Variants in GPATCH2 observed in about 807,000 individuals in gnomAD.
GPATCH2 encodes G-patch domain containing 2, also known as G patch domain-containing protein 2.
Under a neutral mutation model 58.0 loss-of-function variants are expected in GPATCH2, and 51 were observed. The observed-to-expected ratio is 0.88, with a 90% CI of 0.70 to 1.11. GPATCH2 has a LOEUF of 1.11. GPATCH2 is among the 50% of genes most tolerant of loss of function. The pLI is 0.00. For synonymous variants in GPATCH2, 222 were observed against 218.5 expected, an observed-to-expected ratio of 1.02 and a Z score of -0.14; for missense variants, 625 against 652.2, an observed-to-expected ratio of 0.96 and a Z score of 0.45.
intron 8 of GPATCH2, among the ~76,000 whole-genome samples, chr1:217,479,585 A>G (rs1438382459): frequency 6.6e-6 from 1 of 152,012 alleles, no homozygotes; most frequent in Non-Finnish European, 1.5e-5. Context: ...AAAGGAAGAC[A>G]AGAAAGAAAG....
intron 5 of GPATCH2, among the ~76,000 whole-genome samples, chr1:217,530,021 A>G (rs1664111766): frequency 6.6e-6 from 1 of 152,230 alleles, no homozygotes. Flanking sequence ...TTTTCAATCT[A>G]CAGGTTACAA....
chr1:217,524,645 G>C (rs1027964962), intron 5 of GPATCH2, among the ~76,000 whole-genome samples: 2 of 151,608 alleles, frequency 1.3e-5, no homozygotes, highest in African/African-American at 4.8e-5. Flanking sequence ...GATCACTCGC[G>C]GTTAGGAGCT....
intron 5 of GPATCH2, among the ~76,000 whole-genome samples, chr1:217,594,548 CTATATT>C (rs1177322309): frequency 4.6e-5 from 7 of 151,936 alleles, no homozygotes; most frequent in African/African-American, 1.2e-4. Flanking sequence ...GAGTAATTAT[CTATATT>C]TAATCTATAT....
intron 8 of GPATCH2, among the ~76,000 whole-genome samples, chr1:217,486,029 A>G (rs556706364): frequency 2.0e-5 from 3 of 152,324 alleles, no homozygotes; most frequent in African/African-American, 4.8e-5. Flanking sequence ...TTGCATTTCC[A>G]TATGAAATTT....
intron 5 of GPATCH2, among the ~76,000 whole-genome samples, chr1:217,524,707 G>T (rs529284912): frequency 6.6e-6 from 1 of 151,084 alleles, no homozygotes; most frequent in Admixed American, 6.6e-5. Flanking sequence ...CAAAAAATAC[G>T]AAAACCAGTC....
intron 8 of GPATCH2, among the ~76,000 whole-genome samples, chr1:217,486,945 A>C (rs1479800293): frequency 1.3e-5 from 2 of 152,212 alleles, no homozygotes; most frequent in Non-Finnish European, 2.9e-5. Flanking sequence ...CAGCACTGTG[A>C]ACTACTGAGT....
intron 8 of GPATCH2, among the ~76,000 whole-genome samples, chr1:217,468,944 T>C (rs1449721956): frequency 6.6e-6 from 1 of 152,188 alleles, no homozygotes; most frequent in African/African-American, 2.4e-5. Flanking sequence ...GCTTTCATCA[T>C]CCTGACAATG....
intron 2 of GPATCH2, among the ~76,000 whole-genome samples, chr1:217,616,605 G>A (rs1035559886): frequency 3.9e-5 from 6 of 151,942 alleles, no homozygotes; most frequent in Admixed American, 1.3e-4. Flanking sequence ...GAGTTGTTCC[G>A]TGTACATTAT....
chr1:217,499,716 CCT>C (rs1015258650), intron 6 of GPATCH2, among the ~76,000 whole-genome samples: 2 of 150,184 alleles, frequency 1.3e-5, no homozygotes, highest in African/African-American at 2.4e-5. Flanking sequence ...AGATATTTCC[CCT>C]GTTTTGGATT....
At chr1:217,573,291 T>C (rs910672396) in intron 5 of GPATCH2, among the ~76,000 whole-genome samples, 3 of 152,132 alleles carry the variant, frequency 2.0e-5, no homozygotes, top group Admixed American at 1.3e-4. Context: ...AAGAGGGTCT[T>C]TGTTGTTGTA....
intron 5 of GPATCH2, among the ~76,000 whole-genome samples, chr1:217,603,912 C>T (rs1018787544): frequency 6.6e-6 from 1 of 151,888 alleles, no homozygotes; most frequent in Non-Finnish European, 1.5e-5. Context: ...TGTGAGCCAC[C>T]GTGCCTGGCC....
chr1:217,461,753 A>G (rs1660209872), intron 8 of GPATCH2, among the ~76,000 whole-genome samples: 1 of 152,174 alleles, frequency 6.6e-6, no homozygotes, highest in African/African-American at 2.4e-5. Flanking sequence ...TTTTTACAGT[A>G]TATGCATGTA....
chr1:217,446,887 G>T (rs1017182931), intron 9 of GPATCH2, among the ~76,000 whole-genome samples: 1 of 152,092 alleles, frequency 6.6e-6, no homozygotes, highest in African/African-American at 2.4e-5. Flanking sequence ...TATATTATCC[G>T]CTCCTCAACC....
At position 217,619,780 on chromosome 1, in the gene GPATCH2, C is replaced by T. The variant is rs763558540; in HGVS notation, c.773+3G>A. The stretch of plus-strand genomic sequence containing the variant: ...TTTTATATTTAGAGAATATAAAAGT[C>T]ACCTTTCACTCATGAGCTCATCTGA... On this transcript the variant is annotated splice_donor_region_variant and intron_variant, in intron 2 of 9. Coordinates refer to ENST00000366935, the MANE Select transcript of GPATCH2 (RefSeq NM_018040.5). 6.0e-6 allele frequency: 8 copies of T among 1,337,356 alleles called. No homozygotes were observed. The highest frequency in any genetic ancestry group is 8.2e-6 in the Non-Finnish European group (8 of 976,378). 82.8% of individuals were successfully genotyped at this position (1,337,356 alleles called of 1,614,324 possible). A position where few individuals can be genotyped will look rare whatever the true frequency, so the allele number is the denominator to read the frequency against.
intron 5 of GPATCH2, among the ~76,000 whole-genome samples, chr1:217,568,729 G>C (rs969607059): frequency 7.2e-5 from 11 of 152,140 alleles, no homozygotes; most frequent in Non-Finnish European, 1.5e-4. Flanking sequence ...TTTGATATAG[G>C]GTCTTGTCTT....
chr1:217,612,172 C>T (rs1274254666), intron 3 of GPATCH2, among the ~76,000 whole-genome samples: 1 of 151,410 alleles, frequency 6.6e-6, no homozygotes, highest in Non-Finnish European at 1.5e-5. Context: ...CAGGGCGAGA[C>T]CTTGTGTTAA....
At chr1:217,463,618 A>T (rs915456934) in intron 8 of GPATCH2, among the ~76,000 whole-genome samples, 1 of 141,092 alleles carries the variant, frequency 7.1e-6, no homozygotes, top group East Asian at 2.2e-4. Context: ...CAGCCTGGGC[A>T]ACATAGCAAG....
chr1:217,435,771 T>A (rs956105235), intron 9 of GPATCH2, among the ~76,000 whole-genome samples: 1 of 152,222 alleles, frequency 6.6e-6, no homozygotes, highest in African/African-American at 2.4e-5. Flanking sequence ...ATTATTATTA[T>A]GAACTCAAAG....
intron 8 of GPATCH2, among the ~76,000 whole-genome samples, chr1:217,456,389 CT>C (rs1189969765): frequency 6.6e-6 from 1 of 152,188 alleles, no homozygotes; most frequent in Admixed American, 6.5e-5. Flanking sequence ...AGCCACACCC[CT>C]GTCACACCTC....
Sources: gnomAD v4.1 joint callset for allele counts (sites outside exome capture counted in the v4.1 genomes callset) on GRCh38, gnomAD v4.1.1 for gene constraint, MANE v1.5 for transcripts, NCBI Gene and HGNC (gene_info 2026-07-23, HGNC 2026-07-21) for gene names.